The following ADAMTS17 variants were observed in gnomAD, a reference collection of about 807,000 sequenced individuals.
The protein encoded by ADAMTS17 is ADAM metallopeptidase with thrombospondin type 1 motif 17.
A neutral mutation model predicts 141.5 loss-of-function variants in ADAMTS17; 113 were observed. That is an observed-to-expected ratio of 0.80 (90% CI 0.69 to 0.93). The LOEUF is 0.93. ADAMTS17 is among the 40% of genes least tolerant of loss of function. The pLI, the probability that ADAMTS17 is intolerant of heterozygous loss-of-function variation, is 0.00. For missense variants in ADAMTS17, 1,659 were observed against 1,517.9 expected (o/e 1.09, Z -1.54); for synonymous variants, 768 against 630.6 (o/e 1.22, Z -3.27).
rs1460125873 is a variant in ADAMTS17, at chr15:99,972,780, A to G, written c.*1622T>C. 1 of 152,210 alleles carries G rather than the reference A, an allele frequency of 6.6e-6. No homozygotes were observed. Among genetic ancestry groups the G allele is most frequent in the African/African-American group, 2.4e-5 (1 of 41,444 alleles). 9.4% of individuals were successfully genotyped at this position (152,210 alleles called of 1,614,324 possible). ...CCTACCGCTTCTCTGCCTCTAGGGT[A>G]GTAAAAACAAAAACACAGCTCGTAA... On this transcript the variant is annotated 3_prime_UTR_variant, in exon 22 of 22. Coordinates refer to ENST00000268070, the MANE Select transcript of ADAMTS17 (RefSeq NM_139057.4).
At chr15:100,341,542 C>T in intron 1 of ADAMTS17, 133 bp from the exon 2 acceptor site, 2 of 899,658 alleles carry the variant, frequency 2.2e-6, no homozygotes, top group Non-Finnish European at 2.7e-6. Context: ...CCTCGCCCGG[C>T]ACCTCCACGC....
At chr15:100,178,004 T>C (rs2040398067) in intron 8 of ADAMTS17, among the ~76,000 whole-genome samples, 1 of 152,156 alleles carries the variant, frequency 6.6e-6, no homozygotes, top group South Asian at 2.1e-4. Flanking sequence ...ACAATGAATG[T>C]TTTCATGATG....
intron 4 of ADAMTS17, among the ~76,000 whole-genome samples, chr15:100,266,555 T>A (rs2043723267): frequency 6.6e-6 from 1 of 152,204 alleles, no homozygotes; most frequent in Non-Finnish European, 1.5e-5. Flanking sequence ...GGAATGAGGC[T>A]GCTCTCCACA....
At chr15:100,201,140 T>C (rs1436177722) in intron 7 of ADAMTS17, among the ~76,000 whole-genome samples, 6 of 152,300 alleles carry the variant, frequency 3.9e-5, no homozygotes, top group African/African-American at 1.4e-4. Context: ...ATACACAGGG[T>C]GGTCCCTCTG....
chr15:100,296,570 G>T (rs569979875), intron 3 of ADAMTS17, among the ~76,000 whole-genome samples: 58 of 123,804 alleles, frequency 4.7e-4, no homozygotes, highest in Non-Finnish European at 8.3e-4. Context: ...GTTTGGAGGG[G>T]GTGAGGGGGG....
chr15:100,007,728 G>A (rs1016708567), intron 18 of ADAMTS17, among the ~76,000 whole-genome samples: 1 of 152,130 alleles, frequency 6.6e-6, no homozygotes, highest in Non-Finnish European at 1.5e-5. Context: ...CTGCTTTAGA[G>A]GCCGGGTTGA....
At chr15:100,034,169 C>T (rs2246789) in intron 18 of ADAMTS17, among the ~76,000 whole-genome samples, 17,720 of 152,240 alleles carry the variant, frequency 0.12, 2,746 homozygotes, top group African/African-American at 0.36. Context: ...GAAAGGTAGA[C>T]TCCAGGATTA....
chr15:100,037,611 G>A (rs1277273864), intron 18 of ADAMTS17, among the ~76,000 whole-genome samples: 1 of 152,102 alleles, frequency 6.6e-6, no homozygotes, highest in East Asian at 1.9e-4. Flanking sequence ...GTTTCACCAT[G>A]TTGCCCAGGT....
At chr15:100,067,643 A>G (rs1406239483) in intron 15 of ADAMTS17, among the ~76,000 whole-genome samples, 2 of 151,946 alleles carry the variant, frequency 1.3e-5, no homozygotes, top group Non-Finnish European at 2.9e-5. Flanking sequence ...TGCAGCACTT[A>G]TCTTTTATTT....
chr15:100,208,733 G>T (rs76338218), intron 7 of ADAMTS17, among the ~76,000 whole-genome samples: 6,065 of 148,768 alleles, frequency 0.041, 266 homozygotes, highest in African/African-American at 0.11. Flanking sequence ...ATAACAAAGG[G>T]ATACACACAT....
chr15:100,034,254 C>A (rs912273084), intron 18 of ADAMTS17, among the ~76,000 whole-genome samples: 4 of 152,248 alleles, frequency 2.6e-5, no homozygotes, highest in Non-Finnish European at 5.9e-5. Context: ...ACCAACAGTG[C>A]GTCTGCTGGC....
intron 4 of ADAMTS17, among the ~76,000 whole-genome samples, chr15:100,277,911 A>G (rs1404077389): frequency 1.3e-5 from 2 of 152,258 alleles, no homozygotes; most frequent in South Asian, 2.1e-4. Context: ...GACGAATGGA[A>G]AAGAAAAAGG....
chr15:100,228,274 G>A (rs944179391), intron 7 of ADAMTS17, among the ~76,000 whole-genome samples: 4 of 152,150 alleles, frequency 2.6e-5, no homozygotes, highest in East Asian at 1.9e-4. Context: ...ACCATCCAGC[G>A]CGTGACCTCT....
chr15:100,162,025 G>T (rs529758028), intron 8 of ADAMTS17, among the ~76,000 whole-genome samples: 49 of 152,306 alleles, frequency 3.2e-4, no homozygotes, highest in South Asian at 6.2e-4. Context: ...ATGTCAGTAA[G>T]AATCATCCTA....
intron 14 of ADAMTS17, among the ~76,000 whole-genome samples, chr15:100,102,162 G>A (rs373117176): frequency 4.1e-4 from 63 of 152,322 alleles, no homozygotes; most frequent in African/African-American, 1.5e-3. Flanking sequence ...TTCTGCCAGG[G>A]TCAGTTTTTT....
At chr15:100,207,508 C>T (rs1481830040) in intron 7 of ADAMTS17, among the ~76,000 whole-genome samples, 1 of 152,200 alleles carries the variant, frequency 6.6e-6, no homozygotes, top group East Asian at 1.9e-4. Context: ...GCTCATTTGC[C>T]ACACAGCACT....
In ADAMTS17 at chr15:99,994,833, G is replaced by A. The variant is rs538507467; in HGVS notation, c.2797-1633C>T. 5.3e-5 allele frequency among the ~76,000 whole-genome samples: 8 copies of A among 152,350 alleles called. No individual in the cohort carries two copies. The East Asian group carries it at 1.5e-3, about 29-fold the overall frequency. ...CCCGACTTGGCCTCCCAAAGTGCTG[G>A]GATTACAGGTGCGAGCCATTGCGCC... On this transcript the variant is annotated intron_variant, in intron 19 of 21. Transcript: ENST00000268070.
intron 6 of ADAMTS17, among the ~76,000 whole-genome samples, chr15:100,260,483 A>G (rs937241203): frequency 6.6e-6 from 1 of 151,904 alleles, no homozygotes. Flanking sequence ...GTGTGGTGGC[A>G]CACGCCTGTA....
chr15:100,316,015 A>G (rs1458968471), intron 3 of ADAMTS17, among the ~76,000 whole-genome samples: 1 of 152,258 alleles, frequency 6.6e-6, no homozygotes, highest in East Asian at 1.9e-4. Context: ...CTATTTTTAC[A>G]AAGTAGGAAG....
Sources: gnomAD v4.1 joint callset for allele counts (sites outside exome capture counted in the v4.1 genomes callset) on GRCh38, gnomAD v4.1.1 for gene constraint, MANE v1.5 for transcripts, NCBI Gene and HGNC (gene_info 2026-07-23, HGNC 2026-07-21) for gene names.